Variants in SLC16A7 observed in about 807,000 individuals in gnomAD.
SLC16A7 encodes monocarboxylate transporter 2.
SLC16A7 carries 33 observed loss-of-function variants against 34.9 expected under a neutral mutation model. The ratio of observed to expected loss-of-function variants is 0.94; its 90% CI spans 0.72 to 1.26. The LOEUF (loss-of-function observed/expected upper bound fraction) is 1.26. Among genes scored for constraint, SLC16A7 ranks in the 50% most tolerant of loss-of-function variants. The pLI is 0.00. For synonymous variants in SLC16A7, 201 were observed against 206.6 expected (o/e 0.97, Z 0.23); for missense variants, 573 against 578.1 (o/e 0.99, Z 0.09).
Position 59,623,046 on chromosome 12 carries a change from C to CTGTGTG in SLC16A7, c.-130+26852_-130+26857dup, listed in dbSNP as rs57399813. On this transcript the variant is annotated intron_variant, in intron 1 of 5. Transcript: ENST00000547379. ...ATAAATAGCATTTCCCTACTGAATG[C>CTGTGTG]TGTGTGTGTGTGTGTGTGTGTGTGT... Among the ~76,000 whole-genome samples, 227 of 134,992 alleles carry CTGTGTG rather than the reference C, an allele frequency of 1.7e-3. 2 individuals carry two copies. Among genetic ancestry groups the CTGTGTG allele is most frequent in the South Asian group, 7.2e-3 (29 of 4,016 alleles). The allele number at this position is 134,992 out of a possible 152,430, so 88.6% of individuals were successfully genotyped here.
intron 1 of SLC16A7, among the ~76,000 whole-genome samples, chr12:59,604,886 A>G (rs1440028342): frequency 6.6e-6 from 1 of 152,150 alleles, no homozygotes; most frequent in African/African-American, 2.4e-5. Context: ...TCACTCTGTC[A>G]CCCAGGCTGG....
At chr12:59,715,507 A>T (rs1281145963) in intron 3 of SLC16A7, among the ~76,000 whole-genome samples, 1 of 152,202 alleles carries the variant, frequency 6.6e-6, no homozygotes, top group Non-Finnish European at 1.5e-5. Flanking sequence ...CTAAAAGCAC[A>T]AAAATGCAGA....
At chr12:59,604,612 T>C (rs1878847419) in intron 1 of SLC16A7, among the ~76,000 whole-genome samples, 1 of 152,178 alleles carries the variant, frequency 6.6e-6, no homozygotes, top group Non-Finnish European at 1.5e-5. Context: ...ACCTTACATG[T>C]TTTAACTAAT....
chr12:59,731,344 A>G (rs1876928619), intron 3 of SLC16A7, among the ~76,000 whole-genome samples: 1 of 152,232 alleles, frequency 6.6e-6, no homozygotes, highest in African/African-American at 2.4e-5. Flanking sequence ...CAAACAATTT[A>G]TCAGTTAGAG....
intron 3 of SLC16A7, among the ~76,000 whole-genome samples, chr12:59,756,335 G>A (rs534805912): frequency 1.7e-3 from 265 of 152,146 alleles, no homozygotes; most frequent in Non-Finnish European, 3.0e-3. Flanking sequence ...CAAAATGGGA[G>A]AAAATTTTCC....
At chr12:59,660,085 GCTT>G (rs954465109) in intron 2 of SLC16A7, among the ~76,000 whole-genome samples, 4 of 151,644 alleles carry the variant, frequency 2.6e-5, no homozygotes, top group Admixed American at 6.6e-5. Flanking sequence ...TTTTGCTTTT[GCTT>G]CTTCTTCTTC....
rs143416013 is a variant in SLC16A7, at chr12:59,705,962, T to C, written c.217+944T>C. 2.4e-3 allele frequency among the ~76,000 whole-genome samples: 367 copies of C among 152,288 alleles called. 1 individual carries two copies. Among genetic ancestry groups the C allele is most frequent in the African/African-American group, 7.4e-3 (308 of 41,578 alleles). ...ATCCAGTATTTAGTAATATTTACTT[T>C]CACCCAAGGCCTAAGTACTTAATAT... On this transcript the variant is annotated intron_variant, in intron 3 of 5. Transcript: ENST00000547379.
chr12:59,755,133 C>T (rs1214349674), intron 3 of SLC16A7, among the ~76,000 whole-genome samples: 2 of 152,096 alleles, frequency 1.3e-5, no homozygotes, highest in Non-Finnish European at 2.9e-5. Flanking sequence ...CTATGACAAA[C>T]CCACAGCCAA....
chr12:59,620,357 GA>G (rs780931130), intron 1 of SLC16A7, among the ~76,000 whole-genome samples: 181 of 150,718 alleles, frequency 1.2e-3, no homozygotes, highest in African/African-American at 4.3e-3. Context: ...CCTTTCCTCT[GA>G]AAAAAAAATT....
chr12:59,713,117 T>C (rs929036998), intron 3 of SLC16A7, among the ~76,000 whole-genome samples: 9 of 152,112 alleles, frequency 5.9e-5, no homozygotes, highest in African/African-American at 2.2e-4. Flanking sequence ...CCTCCAGAGT[T>C]CAAGTAATTC....
chr12:59,741,244 G>T (rs147956174), intron 3 of SLC16A7, among the ~76,000 whole-genome samples: 1 of 152,174 alleles, frequency 6.6e-6, no homozygotes, highest in Non-Finnish European at 1.5e-5. Flanking sequence ...AAAAGAGCCC[G>T]CATCGCCAAG....
At chr12:59,679,881 C>T (rs577588467) in intron 2 of SLC16A7, among the ~76,000 whole-genome samples, 1 of 152,052 alleles carries the variant, frequency 6.6e-6, no homozygotes, top group African/African-American at 2.4e-5. Flanking sequence ...AGTGTAAAAA[C>T]CCAAGGTAGA....
chr12:59,697,606 A>C (rs1169210795), intron 2 of SLC16A7, among the ~76,000 whole-genome samples: 2 of 151,556 alleles, frequency 1.3e-5, no homozygotes, highest in Non-Finnish European at 2.9e-5. Flanking sequence ...CCTTTCCTTT[A>C]CTTTTCATTT....
chr12:59,603,596 T>C (rs1878792707), intron 1 of SLC16A7, among the ~76,000 whole-genome samples: 1 of 152,200 alleles, frequency 6.6e-6, no homozygotes, highest in African/African-American at 2.4e-5. Context: ...TTCTAAAATT[T>C]CAGGAACATT....
At chr12:59,628,434 C>A (rs1412219269) in intron 1 of SLC16A7, among the ~76,000 whole-genome samples, 2 of 151,852 alleles carry the variant, frequency 1.3e-5, no homozygotes, top group Admixed American at 6.6e-5. Flanking sequence ...ATCCAATCTT[C>A]TTCTCTAAGT....
At chr12:59,694,590 A>G (rs1872062915) in intron 2 of SLC16A7, among the ~76,000 whole-genome samples, 1 of 151,956 alleles carries the variant, frequency 6.6e-6, no homozygotes, top group South Asian at 2.1e-4. Context: ...AGTATTGTTA[A>G]CTACAGATAA....
Position 59,635,272 on chromosome 12 carries a change from T to C in SLC16A7, c.-129-19880T>C, listed in dbSNP as rs150946897. On this transcript the variant is annotated intron_variant, in intron 1 of 5. Coordinates refer to ENST00000547379, the MANE Select transcript of SLC16A7 (RefSeq NM_001270623.2). ...CCTAATTGGAAAGTTCTCTGCTATA[T>C]ACAGGTACAAAATGTACTATTGGAG... Among the ~76,000 whole-genome samples the C allele has an allele frequency of 1.4e-4, 21 of 152,182 alleles. No individual in the cohort carries two copies. The East Asian group carries it at 3.5e-3, about 25-fold the overall frequency.
At position 59,786,779 on chromosome 12, in the gene SLC16A7, T is replaced by C. The variant is rs1883651648; in HGVS notation, c.*7100T>C. On this transcript the variant is annotated 3_prime_UTR_variant, in exon 6 of 6. Coordinates refer to ENST00000547379, the MANE Select transcript of SLC16A7 (RefSeq NM_001270623.2). ...CAGGGTTGGAGATAGAATTCAGGTCTTTTAACTTCTAACACACTTTTTTCT... is the reference window on the plus strand; with the variant it reads ...CAGGGTTGGAGATAGAATTCAGGTCCTTTAACTTCTAACACACTTTTTTCT... The C allele has an allele frequency of 6.6e-6, 1 of 152,156 alleles. No individual in the cohort carries two copies. The highest frequency in any genetic ancestry group is 2.1e-4 in the South Asian group (1 of 4,838). The allele number at this position is 152,156 out of a possible 1,614,324, so 9.4% of individuals were successfully genotyped here.
intron 4 of SLC16A7, among the ~76,000 whole-genome samples, chr12:59,772,856 AC>A (rs1472040288): frequency 6.6e-6 from 1 of 152,154 alleles, no homozygotes; most frequent in African/African-American, 2.4e-5. Flanking sequence ...TCTAAAACTT[AC>A]TTTATTTTGG....
Sources: gnomAD v4.1 joint callset for allele counts (sites outside exome capture counted in the v4.1 genomes callset) on GRCh38, gnomAD v4.1.1 for gene constraint, MANE v1.5 for transcripts, NCBI Gene and HGNC (gene_info 2026-07-23, HGNC 2026-07-21) for gene names.